SEMA5A: variants seen among roughly 807,000 people sequenced by gnomAD.
The protein encoded by SEMA5A is semaphorin-5A.
Under a neutral mutation model 135.5 loss-of-function variants are expected in SEMA5A, and 55 were observed. The ratio of observed to expected loss-of-function variants is 0.41; its 90% confidence interval spans 0.33 to 0.51. SEMA5A has a LOEUF of 0.51. SEMA5A is among the 20% of genes least tolerant of loss of function. The pLI, the probability that SEMA5A is intolerant of heterozygous loss-of-function variation, is 0.37. For synonymous variants in SEMA5A, 580 were observed against 546.5 expected (o/e 1.06, Z -0.85); for missense variants, 1,290 against 1,419.9 (o/e 0.91, Z 1.47).
At chr5:9,376,932 G>A (rs752819185) in intron 3 of SEMA5A, among the ~76,000 whole-genome samples, 22 of 152,064 alleles carry the variant, frequency 1.4e-4, no homozygotes, top group African/African-American at 2.4e-4. Flanking sequence ...ATCCCAATTC[G>A]AATAATCTCT....
chr5:9,534,257 T>C (rs1737622315), intron 1 of SEMA5A, among the ~76,000 whole-genome samples: 1 of 152,142 alleles, frequency 6.6e-6, no homozygotes, highest in Non-Finnish European at 1.5e-5. Context: ...ATGATGACGC[T>C]GCCACACCCC....
At chr5:9,082,210 G>C (rs1308200952) in intron 16 of SEMA5A, among the ~76,000 whole-genome samples, 3 of 152,168 alleles carry the variant, frequency 2.0e-5, no homozygotes, top group Non-Finnish European at 4.4e-5. Context: ...CTACTGTTTT[G>C]AAATTGTATA....
chr5:9,430,596 T>C (rs1401310071), intron 2 of SEMA5A, among the ~76,000 whole-genome samples: 1 of 152,110 alleles, frequency 6.6e-6, no homozygotes, highest in Non-Finnish European at 1.5e-5. Flanking sequence ...TGGAGCATCC[T>C]AAAGCCAAGT....
At chr5:9,265,286 GA>G (rs990110954) in intron 5 of SEMA5A, 4 of 363,498 alleles carry the variant, frequency 1.1e-5, no homozygotes, top group African/African-American at 8.4e-5. Context: ...TCTTGTGGAT[GA>G]GGTGCTCTAG....
intron 1 of SEMA5A, among the ~76,000 whole-genome samples, chr5:9,449,009 C>T (rs970337842): frequency 1.1e-4 from 17 of 152,184 alleles, no homozygotes; most frequent in Admixed American, 2.6e-4. Flanking sequence ...AGACAGGTGG[C>T]GATTCCTCAA....
At chr5:9,081,636 G>T (rs1237014179) in intron 16 of SEMA5A, among the ~76,000 whole-genome samples, 1 of 152,130 alleles carries the variant, frequency 6.6e-6, no homozygotes, top group African/African-American at 2.4e-5. Flanking sequence ...GTTGATGAAA[G>T]TCCTGCAAGT....
At chr5:9,300,594 G>A (rs1051999174) in intron 5 of SEMA5A, among the ~76,000 whole-genome samples, 1 of 152,120 alleles carries the variant, frequency 6.6e-6, no homozygotes, top group East Asian at 1.9e-4. Context: ...ACCTGAATTG[G>A]GTTGAATGGT....
At chr5:9,320,992 TC>T (rs1326188949) in intron 4 of SEMA5A, among the ~76,000 whole-genome samples, 2 of 152,078 alleles carry the variant, frequency 1.3e-5, no homozygotes, top group African/African-American at 2.4e-5. Context: ...TGAATTTTAA[TC>T]CCCATAATCC....
At chr5:9,250,239 T>C (rs1748701669) in intron 5 of SEMA5A, among the ~76,000 whole-genome samples, 1 of 152,028 alleles carries the variant, frequency 6.6e-6, no homozygotes, top group African/African-American at 2.4e-5. Flanking sequence ...ACCAGCAATT[T>C]AGTAGTGGGA....
intron 5 of SEMA5A, among the ~76,000 whole-genome samples, chr5:9,298,199 G>C (rs1405471960): frequency 6.6e-6 from 1 of 152,074 alleles, no homozygotes; most frequent in African/African-American, 2.4e-5. Context: ...CTATGAAAAA[G>C]GGAAATTTGG....
At chr5:9,307,259 A>C (rs1385191135) in intron 5 of SEMA5A, among the ~76,000 whole-genome samples, 3 of 152,238 alleles carry the variant, frequency 2.0e-5, no homozygotes, top group Non-Finnish European at 4.4e-5. Flanking sequence ...CTAATGAAGA[A>C]GTATTATATA....
At chr5:9,389,839 C>A (rs1756073460) in intron 2 of SEMA5A, among the ~76,000 whole-genome samples, 1 of 152,160 alleles carries the variant, frequency 6.6e-6, no homozygotes, top group Admixed American at 6.5e-5. Flanking sequence ...TACGTTGATT[C>A]TTATTCCTGT....
chr5:9,428,109 T>C (rs1757727078), intron 2 of SEMA5A, among the ~76,000 whole-genome samples: 1 of 130,896 alleles, frequency 7.6e-6, no homozygotes, highest in South Asian at 2.5e-4. Context: ...TATATATATA[T>C]ATATATATTC....
rs1735771997 is a variant in SEMA5A at position 9,038,457 on chromosome 5, A to C, written c.*4440T>G. 6.6e-6 allele frequency: 1 copy of C among 152,180 alleles called. No individual in the cohort carries two copies. Among genetic ancestry groups the C allele is most frequent in the African/African-American group, 2.4e-5 (1 of 41,444 alleles). 9.4% of individuals were successfully genotyped at this position (152,180 alleles called of 1,614,324 possible). Reference sequence around the variant, plus strand: ...GTAAAGGATACCCGGACCCTAAAGAAAGCTGATGGTTCAGGGACAAAGTTG... The same window carrying C: ...GTAAAGGATACCCGGACCCTAAAGACAGCTGATGGTTCAGGGACAAAGTTG... On this transcript the variant is annotated 3_prime_UTR_variant, in exon 23 of 23. Transcript: ENST00000382496.
intron 2 of SEMA5A, among the ~76,000 whole-genome samples, chr5:9,433,127 T>C: frequency 6.6e-6 from 1 of 152,266 alleles, no homozygotes; most frequent in South Asian, 2.1e-4. Context: ...CCACAATAAA[T>C]TAAAATTGGG....
At chr5:9,522,124 A>G (rs1188108255) in intron 1 of SEMA5A, among the ~76,000 whole-genome samples, 1 of 152,128 alleles carries the variant, frequency 6.6e-6, no homozygotes, top group African/African-American at 2.4e-5. Flanking sequence ...ACAGCCTGAC[A>G]CCATGGTGAC....
chr5:9,163,254 C>T lies in SEMA5A; in HGVS notation c.1274-8559G>A, dbSNP rs1413984285. ...GACGATGAAAAAAAACCTTCTATTG[C>T]TGTTTCATTTAAAAAAAAAAAGAAT... On this transcript the variant is annotated intron_variant, in intron 11 of 22. Transcript: ENST00000382496. Among the ~76,000 whole-genome samples, 6 of 148,078 alleles carry T rather than the reference C, an allele frequency of 4.1e-5. No individual in the cohort carries two copies. In the South Asian group the frequency reaches 1.1e-3, roughly 27 times the overall value.
At chr5:9,083,462 TACC>T (rs1738500660) in intron 16 of SEMA5A, among the ~76,000 whole-genome samples, 1 of 152,194 alleles carries the variant, frequency 6.6e-6, no homozygotes, top group African/African-American at 2.4e-5. Flanking sequence ...ATGACCTAAG[TACC>T]ATAATTTAAA....
At chr5:9,391,330 A>C (rs1756152358) in intron 2 of SEMA5A, among the ~76,000 whole-genome samples, 2 of 152,166 alleles carry the variant, frequency 1.3e-5, no homozygotes, top group Non-Finnish European at 2.9e-5. Flanking sequence ...GAGGGGCAGG[A>C]TGGGCTCATT....
Sources: allele counts gnomAD v4.1 joint callset (sites outside exome capture counted in the v4.1 genomes callset), GRCh38; gene constraint gnomAD v4.1.1; transcripts MANE v1.5; gene names NCBI Gene and HGNC (gene_info 2026-07-23, HGNC 2026-07-21).